Variants in LARGE1 observed in about 807,000 individuals in gnomAD.
LARGE1 encodes the protein xylosyl- and glucuronyltransferase LARGE1.
A neutral mutation model predicts 87.6 loss-of-function variants in LARGE1; 43 were observed. That is an observed-to-expected ratio of 0.49 (90% CI 0.38 to 0.63). The LOEUF (loss-of-function observed/expected upper bound fraction) is 0.63, where lower values mean the gene tolerates loss of function less well. Ranked by LOEUF, LARGE1 falls within the 30% of genes least tolerant of loss-of-function variation. The pLI, the probability that LARGE1 is intolerant of heterozygous loss-of-function variation, is 0.00. For synonymous variants in LARGE1, 434 were observed against 394.6 expected, an observed-to-expected ratio of 1.10 and a Z score of -1.18; for missense variants, 802 against 1,000.2, an observed-to-expected ratio of 0.80 and a Z score of 2.67.
intron 6 of LARGE1, among the ~76,000 whole-genome samples, chr22:33,513,404 T>A (rs563089586): frequency 3.7e-4 from 56 of 152,286 alleles, no homozygotes; most frequent in African/African-American, 1.3e-3. Flanking sequence ...GTGAAATCAG[T>A]GCATTATTGA....
chr22:33,561,725 C>T (rs1381673305), intron 6 of LARGE1, among the ~76,000 whole-genome samples: 1 of 152,176 alleles, frequency 6.6e-6, no homozygotes, highest in African/African-American at 2.4e-5. Flanking sequence ...TTCTGAAAAT[C>T]TTCCAGCTGT....
At chr22:33,292,413 C>G (rs1932745659) in intron 12 of LARGE1, among the ~76,000 whole-genome samples, 1 of 151,132 alleles carries the variant, frequency 6.6e-6, no homozygotes, top group Admixed American at 6.6e-5. Context: ...GGAAGTATCT[C>G]TTTTTTGTGT....
At chr22:33,447,770 A>G (rs1330900709) in intron 6 of LARGE1, among the ~76,000 whole-genome samples, 2 of 152,142 alleles carry the variant, frequency 1.3e-5, no homozygotes, top group Non-Finnish European at 2.9e-5. Flanking sequence ...CAGGTGCAGC[A>G]CAGGGAGGAG....
At chr22:33,567,826 T>C (rs2078073418) in intron 5 of LARGE1, among the ~76,000 whole-genome samples, 1 of 152,106 alleles carries the variant, frequency 6.6e-6, no homozygotes, top group African/African-American at 2.4e-5. Flanking sequence ...GGTATGCCCG[T>C]TGTTTAGCTT....
chr22:33,496,199 C>T (rs568022706), intron 6 of LARGE1, among the ~76,000 whole-genome samples: 16 of 152,208 alleles, frequency 1.1e-4, no homozygotes, highest in African/African-American at 2.2e-4. Flanking sequence ...GCTTTTATTC[C>T]GGCCGTGCTG....
intron 6 of LARGE1, among the ~76,000 whole-genome samples, chr22:33,515,836 G>T (rs995465217): frequency 2.0e-5 from 3 of 152,122 alleles, no homozygotes; most frequent in African/African-American, 7.2e-5. Flanking sequence ...GACGAGTCCA[G>T]AGTCACCCCT....
chr22:33,862,565 C>T (rs961048491), intron 1 of LARGE1, among the ~76,000 whole-genome samples: 1 of 152,080 alleles, frequency 6.6e-6, no homozygotes, highest in Non-Finnish European at 1.5e-5. Context: ...ACACTGTGAC[C>T]GCCAGGGCCG....
chr22:33,332,165 A>G (rs965957863), intron 10 of LARGE1, among the ~76,000 whole-genome samples: 3 of 152,150 alleles, frequency 2.0e-5, no homozygotes, highest in Non-Finnish European at 4.4e-5. Context: ...CTCATCTTGA[A>G]TTGTAGCTCC....
intron 6 of LARGE1, among the ~76,000 whole-genome samples, chr22:33,475,202 C>G (rs1403420121): frequency 6.6e-6 from 1 of 152,048 alleles, no homozygotes; most frequent in Non-Finnish European, 1.5e-5. Flanking sequence ...GTGGGACTAC[C>G]AGGGTTTGAA....
rs16992862 is a variant in LARGE1, at chr22:33,720,838, G to C, written c.106+40533C>G. Among the ~76,000 whole-genome samples the C allele has an allele frequency of 2.3e-3, 356 of 152,168 alleles. 14 individuals carry two copies. In the East Asian group the frequency reaches 0.033, roughly 14 times the overall value. ...GGCTGGTCTGCTGATCTGGTGTCACGGCAGAGATGATTCCTAAGAAAAGAT... is the reference window on the plus strand; with the variant it reads ...GGCTGGTCTGCTGATCTGGTGTCACCGCAGAGATGATTCCTAAGAAAAGAT... On this transcript the variant is annotated intron_variant, in intron 2 of 14. Transcript: ENST00000397394.
In LARGE1 at chr22:33,463,585, G is replaced by A. The variant is rs113239782; in HGVS notation, c.788-31320C>T. On this transcript the variant is annotated intron_variant, in intron 6 of 14. Transcript: ENST00000397394. ...AATCAAAATCCCAATGTGTGTGTATGTGTATTTGTACATAGGTAAAGAACT... is the reference window on the plus strand; with the variant it reads ...AATCAAAATCCCAATGTGTGTGTATATGTATTTGTACATAGGTAAAGAACT... 3.0e-3 allele frequency among the ~76,000 whole-genome samples: 455 copies of A among 152,298 alleles called. 2 individuals are homozygous for A. The highest frequency in any genetic ancestry group is 0.024 in the Middle Eastern group (7 of 294).
At chr22:33,550,045 A>G (rs935452716) in intron 6 of LARGE1, among the ~76,000 whole-genome samples, 1 of 152,046 alleles carries the variant, frequency 6.6e-6, no homozygotes, top group Admixed American at 6.6e-5. Context: ...TACCTAATGT[A>G]AATGATTAGT....
At chr22:33,449,263 G>T (rs1354778300) in intron 6 of LARGE1, among the ~76,000 whole-genome samples, 1 of 152,214 alleles carries the variant, frequency 6.6e-6, no homozygotes, top group Non-Finnish European at 1.5e-5. Context: ...TCATTTAAAG[G>T]AGATGCTTAT....
chr22:33,150,559 A>C, the LARGE1 span, among the ~76,000 whole-genome samples: 1 of 152,216 alleles, frequency 6.6e-6, no homozygotes, highest in Non-Finnish European at 1.5e-5. Flanking sequence ...AGAGATTAAG[A>C]CATGGTCATC....
At chr22:33,296,190 C>T (rs536583828) in intron 12 of LARGE1, among the ~76,000 whole-genome samples, 3 of 152,294 alleles carry the variant, frequency 2.0e-5, no homozygotes, top group East Asian at 1.9e-4. Flanking sequence ...CTGGGGATCA[C>T]GGGGGCCTGG....
At chr22:33,354,630 T>C (rs1251073157) in intron 9 of LARGE1, among the ~76,000 whole-genome samples, 1 of 152,182 alleles carries the variant, frequency 6.6e-6, no homozygotes, top group Non-Finnish European at 1.5e-5. Flanking sequence ...CAAATGATGG[T>C]CATCAAGAGA....
At chr22:33,623,704 T>A (rs1569320690) in intron 4 of LARGE1, among the ~76,000 whole-genome samples, 1 of 102,074 alleles carries the variant, frequency 9.8e-6, no homozygotes, top group African/African-American at 3.2e-5. Flanking sequence ...GTTAACTGAT[T>A]TAAAAAAAAA....
intron 1 of LARGE1, among the ~76,000 whole-genome samples, chr22:33,791,307 G>A (rs952326995): frequency 6.6e-6 from 1 of 152,256 alleles, no homozygotes; most frequent in Middle Eastern, 3.4e-3. Context: ...ACAAAGAGCA[G>A]TCTCAAGAAT....
At chr22:33,499,050 C>T (rs16992462) in intron 6 of LARGE1, among the ~76,000 whole-genome samples, 50,276 of 152,050 alleles carry the variant, frequency 0.33, 8,962 homozygotes, top group Middle Eastern at 0.51. Flanking sequence ...ACTCTTGTGG[C>T]TTTAAAGGCA....
Sources: allele counts gnomAD v4.1 joint callset (sites outside exome capture counted in the v4.1 genomes callset), GRCh38; gene constraint gnomAD v4.1.1; transcripts MANE v1.5; gene names NCBI Gene and HGNC (gene_info 2026-07-23, HGNC 2026-07-21).